Variants in SUSD4 observed in about 807,000 individuals in gnomAD.
SUSD4 encodes the protein sushi domain-containing protein 4.
A neutral mutation model predicts 50.5 loss-of-function variants in SUSD4; 41 were observed. That is an observed-to-expected ratio of 0.81 (90% CI 0.63 to 1.05). SUSD4 has a LOEUF of 1.05. Among genes scored for constraint, SUSD4 ranks in the 50% least tolerant of loss-of-function variants. The pLI is 0.00. For missense variants in SUSD4, 580 were observed against 634.7 expected (o/e 0.91, Z 0.93); for synonymous variants, 257 against 257.3 (o/e 1.00, Z 0.01).
chr1:223,226,102 T>C (rs1048166898), intron 7 of SUSD4, among the ~76,000 whole-genome samples: 4 of 152,208 alleles, frequency 2.6e-5, no homozygotes, highest in Non-Finnish European at 1.5e-5. Flanking sequence ...TGTAGAAAAA[T>C]AGCTCTGTGG....
chr1:223,244,432 G>A (rs1660785547), intron 5 of SUSD4, among the ~76,000 whole-genome samples: 1 of 152,202 alleles, frequency 6.6e-6, no homozygotes, highest in East Asian at 1.9e-4. Context: ...TGAGAGGTGA[G>A]ACTTCAAGGG....
chr1:223,230,935 A>C (rs1416155245), intron 5 of SUSD4, among the ~76,000 whole-genome samples: 1 of 152,186 alleles, frequency 6.6e-6, no homozygotes, highest in South Asian at 2.1e-4. Flanking sequence ...AACTGTGATT[A>C]TTCAGGGAAA....
chr1:223,352,499 G>A (rs112751212), intron 2 of SUSD4, among the ~76,000 whole-genome samples: 1 of 152,186 alleles, frequency 6.6e-6, no homozygotes, highest in African/African-American at 2.4e-5. Flanking sequence ...CATTCCAGGG[G>A]CCCATGGGTG....
At chr1:223,252,698 T>C (rs1661416806) in intron 5 of SUSD4, among the ~76,000 whole-genome samples, 2 of 151,332 alleles carry the variant, frequency 1.3e-5, no homozygotes, top group African/African-American at 4.8e-5. Context: ...AGTTTTAAAA[T>C]ATGAATTTCC....
intron 2 of SUSD4, among the ~76,000 whole-genome samples, chr1:223,338,709 G>C (rs182475395): frequency 6.6e-6 from 1 of 152,216 alleles, no homozygotes; most frequent in Non-Finnish European, 1.5e-5. Context: ...GACAGGCTGC[G>C]CATGCAGCTG....
chr1:223,284,923 G>A (rs976212032), intron 3 of SUSD4, among the ~76,000 whole-genome samples: 11 of 152,052 alleles, frequency 7.2e-5, no homozygotes, highest in Non-Finnish European at 8.8e-5. Flanking sequence ...ATAGATAGGA[G>A]GAATAAGTTC....
chr1:223,268,069 C>G (rs1354482631), intron 4 of SUSD4, among the ~76,000 whole-genome samples: 1 of 96,420 alleles, frequency 1.0e-5, no homozygotes, highest in Non-Finnish European at 1.9e-5. Flanking sequence ...GAGAAAACAG[C>G]CTCTGTTAAA....
At chr1:223,364,653 G>A (rs1669213123), upstream of SUSD4, among the ~76,000 whole-genome samples, 2 of 151,256 alleles carry the variant, frequency 1.3e-5, no homozygotes, top group Admixed American at 1.3e-4. This position sits in a 1 kb window ranked among gnomAD's most constrained non-coding sequence, Gnocchi z 4.5. Flanking sequence ...GCCTCCGCGC[G>A]GCCTCTGGTG....
chr1:223,312,437 C>A (rs1486947636), intron 2 of SUSD4, among the ~76,000 whole-genome samples: 1 of 152,064 alleles, frequency 6.6e-6, no homozygotes, highest in East Asian at 1.9e-4. Flanking sequence ...GGAAAGGGCA[C>A]CTGGCTCCAA....
intron 2 of SUSD4, among the ~76,000 whole-genome samples, chr1:223,336,543 T>C (rs368039296): frequency 6.6e-6 from 1 of 152,202 alleles, no homozygotes; most frequent in East Asian, 1.9e-4. Flanking sequence ...CTTTCTCTTC[T>C]GAAATCTTTG....
At chr1:223,329,718 C>G (rs966103009) in intron 2 of SUSD4, among the ~76,000 whole-genome samples, 8 of 151,726 alleles carry the variant, frequency 5.3e-5, no homozygotes, top group Non-Finnish European at 1.0e-4. Flanking sequence ...GATGGATGAA[C>G]GATAGCACTG....
In SUSD4 at chr1:223,270,976, T is replaced by C. The variant is rs74806032; in HGVS notation, c.362-2301A>G. On this transcript the variant is annotated intron_variant, in intron 3 of 8. Transcript: ENST00000366878. ...AATCCTAACTGGGGTCACAAGATCATTGACAATTCTTTGCACACTGCTGCT... is the reference window on the plus strand; with the variant it reads ...AATCCTAACTGGGGTCACAAGATCACTGACAATTCTTTGCACACTGCTGCT... 5.6e-3 allele frequency among the ~76,000 whole-genome samples: 859 copies of C among 152,142 alleles called. 47 individuals carry two copies. In the East Asian group the frequency reaches 0.12, roughly 22 times the overall value.
intron 2 of SUSD4, among the ~76,000 whole-genome samples, chr1:223,323,367 C>T (rs562971655): frequency 1.3e-5 from 2 of 152,258 alleles, no homozygotes; most frequent in South Asian, 4.1e-4. Flanking sequence ...ATGCAAATGC[C>T]TCCACATCAA....
intron 2 of SUSD4, among the ~76,000 whole-genome samples, chr1:223,300,918 A>G (rs1332276248): frequency 6.6e-6 from 1 of 152,156 alleles, no homozygotes; most frequent in African/African-American, 2.4e-5. Context: ...TGAACAACAT[A>G]AGAAGTCTTT....
At chr1:223,263,400 C>T (rs1008815567) in intron 5 of SUSD4, among the ~76,000 whole-genome samples, 1 of 152,178 alleles carries the variant, frequency 6.6e-6, no homozygotes, top group African/African-American at 2.4e-5. Context: ...AAGTATGTCC[C>T]ATATATCGAC....
At chr1:223,270,625 A>G (rs1413235666) in intron 3 of SUSD4, among the ~76,000 whole-genome samples, 1 of 152,082 alleles carries the variant, frequency 6.6e-6, no homozygotes, top group Non-Finnish European at 1.5e-5. Context: ...GCTGGAGTGC[A>G]GTGGCATAAT....
chr1:223,352,930 C>A (rs1213101258), intron 2 of SUSD4, among the ~76,000 whole-genome samples: 2 of 151,900 alleles, frequency 1.3e-5, no homozygotes, highest in Non-Finnish European at 2.9e-5. Flanking sequence ...ATGCATGGAG[C>A]ACCTCCCTCC....
chr1:223,329,228 A>T (rs1040199820), intron 2 of SUSD4, among the ~76,000 whole-genome samples: 1 of 152,268 alleles, frequency 6.6e-6, no homozygotes, highest in Admixed American at 6.5e-5. Flanking sequence ...CATCATGGAG[A>T]AGGCTGAAAC....
intron 5 of SUSD4, among the ~76,000 whole-genome samples, chr1:223,257,825 G>A (rs1417353704): frequency 6.6e-6 from 1 of 152,206 alleles, no homozygotes; most frequent in Non-Finnish European, 1.5e-5. Flanking sequence ...AGGAAGATAG[G>A]AACTCCATAG....
Sources: allele counts gnomAD v4.1 joint callset (sites outside exome capture counted in the v4.1 genomes callset), GRCh38; gene constraint gnomAD v4.1.1; non-coding constraint Gnocchi (gnomAD v3.1); transcripts MANE v1.5; gene names NCBI Gene and HGNC (gene_info 2026-07-23, HGNC 2026-07-21).